BTBD16: variants seen among roughly 807,000 people sequenced by gnomAD.
BTBD16 encodes the protein BTB/POZ domain-containing protein 16.
Under a neutral mutation model 67.4 loss-of-function variants are expected in BTBD16, and 66 were observed. That is an observed-to-expected ratio of 0.98 (90% CI 0.80 to 1.20). The LOEUF (loss-of-function observed/expected upper bound fraction) is 1.20, where lower values mean the gene tolerates loss of function less well. Among genes scored for constraint, BTBD16 ranks in the 50% most tolerant of loss-of-function variants. The probability of loss-of-function intolerance (pLI) is 0.00; values close to 1 mark genes in which losing one functional copy is unlikely to be tolerated. For missense variants in BTBD16, 634 were observed against 616.0 expected (o/e 1.03, Z -0.31); for synonymous variants, 242 against 236.4 (o/e 1.02, Z -0.22).
chr10:122,338,019 C>A lies in BTBD16; in HGVS notation c.1455C>A (p.Thr485=), dbSNP rs1375440295. The A allele has an allele frequency of 6.2e-7, 1 of 1,610,598 alleles. No individual in the cohort carries two copies. The highest frequency in any genetic ancestry group is 1.1e-5 in the South Asian group (1 of 90,800). Residue 485 remains threonine, a splice_region_variant and synonymous_variant, in exon 16 of 16, where the codon ACC becomes ACA. Transcript: ENST00000260723. ...CTTTGTTTTTTTTCATGTTTTAGAC[C>A]TTGAAAATCCAAACTGTGGGCATCC... ...GLTTSSCKSH[T]LKIQTVGIPI... is the part of the protein sequence containing the mutation.
chr10:122,301,292 G>A (rs568256808), intron 9 of BTBD16, among the ~76,000 whole-genome samples: 2 of 152,296 alleles, frequency 1.3e-5, no homozygotes, highest in South Asian at 4.1e-4. Context: ...CAACCGGAAG[G>A]TTAGCGGTGG....
At chr10:122,310,287 G>T (rs955158304) in intron 10 of BTBD16, among the ~76,000 whole-genome samples, 2 of 152,218 alleles carry the variant, frequency 1.3e-5, no homozygotes, top group Middle Eastern at 3.2e-3. Context: ...TAGATTAGCG[G>T]TGTCTATCCT....
chr10:122,328,277 C>T (rs2096448854), intron 10 of BTBD16, among the ~76,000 whole-genome samples: 1 of 152,202 alleles, frequency 6.6e-6, no homozygotes, highest in Non-Finnish European at 1.5e-5. Context: ...GGGCTGGTTC[C>T]AGAACCAATA....
intron 1 of BTBD16, among the ~76,000 whole-genome samples, chr10:122,272,592 T>G (rs4751888): frequency 6.6e-6 from 1 of 151,762 alleles, no homozygotes; most frequent in African/African-American, 2.4e-5. Context: ...CCACCTGCCT[T>G]GGCCTCCCAA....
chr10:122,299,919 A>G (rs1336339812), intron 9 of BTBD16, among the ~76,000 whole-genome samples: 3 of 152,094 alleles, frequency 2.0e-5, no homozygotes, highest in East Asian at 3.9e-4. Flanking sequence ...CTCACACAGC[A>G]TAAGTGCAGC....
intron 10 of BTBD16, among the ~76,000 whole-genome samples, chr10:122,312,382 A>G (rs1284774699): frequency 7.2e-6 from 1 of 139,278 alleles, no homozygotes; most frequent in Non-Finnish European, 1.5e-5. Flanking sequence ...GCATAGTCTC[A>G]GCTCACTGCA....
intron 9 of BTBD16, among the ~76,000 whole-genome samples, chr10:122,299,902 C>G (rs1052218945): frequency 1.3e-5 from 2 of 152,122 alleles, no homozygotes; most frequent in Non-Finnish European, 2.9e-5. Flanking sequence ...TGACCTGGCT[C>G]CTTCAACTCA....
intron 3 of BTBD16, among the ~76,000 whole-genome samples, chr10:122,278,122 G>T (rs958215085): frequency 1.3e-5 from 2 of 152,218 alleles, no homozygotes; most frequent in African/African-American, 2.4e-5. Context: ...GGCCAGGGAT[G>T]CAGGTGCTGG....
At chr10:122,311,187 C>T (rs1331008562) in intron 10 of BTBD16, among the ~76,000 whole-genome samples, 1 of 152,162 alleles carries the variant, frequency 6.6e-6, no homozygotes, top group Non-Finnish European at 1.5e-5. Flanking sequence ...CAGACACTGA[C>T]ATAATGTTGA....
intron 14 of BTBD16, 74 bp from the exon 15 acceptor site, chr10:122,336,420 C>A: frequency 7.4e-7 from 1 of 1,348,558 alleles, no homozygotes; most frequent in Non-Finnish European, 1.0e-6. Context: ...GGTCTATATG[C>A]CAGGCTCCAG....
Position 122,311,836 on chromosome 10 carries a change from T to C in BTBD16, c.911+4528T>C, listed in dbSNP as rs75962458. On this transcript the variant is annotated intron_variant, in intron 10 of 15. Coordinates refer to ENST00000260723, the MANE Select transcript of BTBD16 (RefSeq NM_144587.5). The stretch of plus-strand genomic sequence containing the variant: ...AAAGTAAACAGTATCCTGACCTCTT[T>C]TACTACCAATACATCTTCCCTTTTC... 7.2e-5 allele frequency among the ~76,000 whole-genome samples: 11 copies of C among 152,348 alleles called. 1 individual carries two copies. The East Asian group carries it at 1.9e-3, about 27-fold the overall frequency.
In BTBD16 at chr10:122,334,905, A is replaced by G; in HGVS notation, c.1189A>G (p.Ile397Val). The G allele has an allele frequency of 1.3e-6, 2 of 1,569,456 alleles. No homozygotes were observed. The highest frequency in any genetic ancestry group is 1.7e-6 in the Non-Finnish European group (2 of 1,144,030). Reference protein sequence around the residue: ...NQENTTYSKTIALYGFFFKIK... With the variant: ...NQENTTYSKTVALYGFFFKIK... ...GGAGAATACAACTTATTCGAAAACG[A>G]TTGCTCTATATGGATTCTTCTTTAA... Residue 397 changes from isoleucine to valine, a missense_variant, in exon 14 of 16, where the codon ATT becomes GTT. Ile to Val is a conservative substitution (Grantham distance 29, BLOSUM62 3). Coordinates refer to ENST00000260723, the MANE Select transcript of BTBD16 (RefSeq NM_144587.5).
In BTBD16 at chr10:122,336,529, G is replaced by C. The variant is rs1339630817; in HGVS notation, c.1299G>C (p.Ala433=). 6.2e-7 allele frequency: 1 copy of C among 1,611,398 alleles called. No individual in the cohort carries two copies. The highest frequency in any genetic ancestry group is 2.2e-5 in the East Asian group (1 of 44,770). The change falls in exon 15 of 16, where the codon GCG becomes GCC. Residue 433 remains alanine (A), a synonymous_variant. Coordinates refer to ENST00000260723, the MANE Select transcript of BTBD16 (RefSeq NM_144587.5). ...IKHTDLESPS[A]VYEHNHVSLR... ...ACACAGACCTGGAATCTCCCTCTGC[G>C]GTCTACGAGCACAACCACGTCAGCC...
At chr10:122,337,673 G>A (rs1016642550) in intron 15 of BTBD16, among the ~76,000 whole-genome samples, 2 of 152,098 alleles carry the variant, frequency 1.3e-5, no homozygotes, top group Non-Finnish European at 2.9e-5. Flanking sequence ...CACCATATTA[G>A]CCAGGATGGT....
chr10:122,283,105 G>A (rs766728727), intron 3 of BTBD16, among the ~76,000 whole-genome samples: 11 of 152,182 alleles, frequency 7.2e-5, no homozygotes, highest in Non-Finnish European at 1.3e-4. Context: ...AGAGCAATGG[G>A]GAAACACTGG....
chr10:122,305,458 T>C lies in BTBD16; in HGVS notation c.792-1731T>C, dbSNP rs547595601. On this transcript the variant is annotated intron_variant, in intron 9 of 15. Coordinates refer to ENST00000260723, the MANE Select transcript of BTBD16 (RefSeq NM_144587.5). Reference sequence around the variant, plus strand: ...GTGAGTTCCCTTGAGATCTGGTCATTTCAAAGGGTGTGGCACCTCCTGCCT... The same window carrying C: ...GTGAGTTCCCTTGAGATCTGGTCATCTCAAAGGGTGTGGCACCTCCTGCCT... Among the ~76,000 whole-genome samples, 5 of 152,214 alleles carry C rather than the reference T, an allele frequency of 3.3e-5. No individual in the cohort carries two copies. In the East Asian group the frequency reaches 9.7e-4, roughly 29 times the overall value.
At chr10:122,302,602 T>A (rs1234825363) in intron 9 of BTBD16, among the ~76,000 whole-genome samples, 1 of 152,260 alleles carries the variant, frequency 6.6e-6, no homozygotes, top group Non-Finnish European at 1.5e-5. Context: ...ATCTGTCCCA[T>A]GGCTTTGCCC....
At chr10:122,301,218 G>A (rs1378479163) in intron 9 of BTBD16, among the ~76,000 whole-genome samples, 9 of 152,124 alleles carry the variant, frequency 5.9e-5, no homozygotes, top group Admixed American at 5.9e-4. Flanking sequence ...TCCCTCCCTT[G>A]GAAAGGCTGA....
intron 10 of BTBD16, among the ~76,000 whole-genome samples, chr10:122,325,497 G>T (rs1250900042): frequency 6.6e-6 from 1 of 152,082 alleles, no homozygotes; most frequent in African/African-American, 2.4e-5. Flanking sequence ...CAGGACTGAT[G>T]GGTAGGTCAG....
Sources: gnomAD v4.1 joint callset for allele counts (sites outside exome capture counted in the v4.1 genomes callset) on GRCh38, gnomAD v4.1.1 for gene constraint, MANE v1.5 for transcripts, NCBI Gene and HGNC (gene_info 2026-07-23, HGNC 2026-07-21) for gene names.